The following SREBF1 variants were observed in gnomAD, a reference collection of about 807,000 sequenced individuals.
SREBF1 encodes the protein sterol regulatory element binding transcription factor 1.
Under a neutral mutation model 100.1 loss-of-function variants are expected in SREBF1, and 45 were observed. That is an observed-to-expected ratio of 0.45 (90% confidence interval 0.35 to 0.58). SREBF1 has a LOEUF of 0.58. Among genes scored for constraint, SREBF1 ranks in the 20% least tolerant of loss-of-function variants. The pLI is 0.00. For synonymous variants in SREBF1, 657 were observed against 681.8 expected, an observed-to-expected ratio of 0.96 and a Z score of 0.57; for missense variants, 1,324 against 1,539.4, an observed-to-expected ratio of 0.86 and a Z score of 2.34.
In SREBF1 at chr17:17,811,907, C is replaced by T. The variant is rs1348670220; in HGVS notation, c.*715G>A. ...AACAGGTAGGCTGGAGGCCATACAG[C>T]CAGCCCTCCCCACTCCTCCCACTAA... is the stretch of plus-strand genomic sequence containing the variant. On this transcript the variant is annotated 3_prime_UTR_variant, in exon 19 of 19. Coordinates refer to ENST00000261646, the MANE Select transcript of SREBF1 (RefSeq NM_004176.5). 5.0e-5 allele frequency: 22 copies of T among 440,086 alleles called. No homozygotes were observed. Among genetic ancestry groups the T allele is most frequent in the Non-Finnish European group, 7.7e-5 (17 of 221,290 alleles). The allele number at this position is 440,086 out of a possible 1,614,324, so 27.3% of individuals were successfully genotyped here. A position where few individuals can be genotyped will look rare whatever the true frequency, so the allele number is the denominator to read the frequency against.
At position 17,819,622 on chromosome 17, in the gene SREBF1, G is replaced by T; in HGVS notation, c.627C>A (p.Val209=). 1 of 1,613,428 alleles carries T rather than the reference G, an allele frequency of 6.2e-7. No homozygotes were observed. ...VSLHTQVQSV[V]PQQLLTVTAA... ...CTGTGACTGTCAGTAGCTGCTGGGGGACCACACTCTGGACCTGGGTGTGCA... is the reference window on the plus strand; with the variant it reads ...CTGTGACTGTCAGTAGCTGCTGGGGTACCACACTCTGGACCTGGGTGTGCA... Residue 209 remains valine (V), a synonymous_variant, in exon 3 of 19, where the codon GTC becomes GTA. Coordinates refer to ENST00000261646, the MANE Select transcript of SREBF1 (RefSeq NM_004176.5).
intron 12 of SREBF1, chr17:17,815,648 T>A (rs994810371): frequency 4.9e-6 from 3 of 614,220 alleles, no homozygotes; most frequent in Non-Finnish European, 8.7e-6. Context: ...CAATTAGCCA[T>A]CTGCCCATCA....
At position 17,812,545 on chromosome 17, in the gene SREBF1, A is replaced by G; in HGVS notation, c.*77T>C. On this transcript the variant is annotated 3_prime_UTR_variant, in exon 19 of 19. Coordinates refer to ENST00000261646, the MANE Select transcript of SREBF1 (RefSeq NM_004176.5). ...TCTCTTGCACTGCCTTCGGCCTTCAAAGCTTCGACGCAGGACAGAAGCTGC... is the reference window on the plus strand; with the variant it reads ...TCTCTTGCACTGCCTTCGGCCTTCAGAGCTTCGACGCAGGACAGAAGCTGC... 2 of 1,452,344 alleles carry G rather than the reference A, an allele frequency of 1.4e-6. No homozygotes were observed. Among genetic ancestry groups the G allele is most frequent in the Non-Finnish European group, 1.9e-6 (2 of 1,064,328 alleles). The allele number at this position is 1,452,344 out of a possible 1,614,324, so 90.0% of individuals were successfully genotyped here. A position where few individuals can be genotyped will look rare whatever the true frequency, so the allele number is the denominator to read the frequency against.
At chr17:17,832,877 C>T (rs957094756) in intron 1 of SREBF1, among the ~76,000 whole-genome samples, 6 of 151,594 alleles carry the variant, frequency 4.0e-5, no homozygotes, top group African/African-American at 1.2e-4. Flanking sequence ...GCCGAGATCG[C>T]GCCACTGCAC....
intron 12 of SREBF1, chr17:17,815,612 A>G (rs1598114439): frequency 3.3e-6 from 2 of 601,494 alleles, no homozygotes; most frequent in East Asian, 5.5e-5. Context: ...CTTACTCCAC[A>G]GCGGCACTGC....
At chr17:17,826,282 CT>C (rs34759145) in intron 1 of SREBF1, among the ~76,000 whole-genome samples, 9,257 of 137,356 alleles carry the variant, frequency 0.067, 308 homozygotes, top group African/African-American at 0.12. Context: ...TCGACTGAGT[CT>C]TTTTTTTTTT....
intron 12 of SREBF1, 131 bp from the exon 13 acceptor site, chr17:17,815,460 A>G: frequency 1.4e-6 from 1 of 720,014 alleles, no homozygotes. Context: ...CCCTGGGTGC[A>G]GCCCCTGCCA....
chr17:17,814,509 G>A, intron 15 of SREBF1, 99 bp from the exon 16 acceptor site: 1 of 1,536,382 alleles, frequency 6.5e-7, no homozygotes, highest in South Asian at 1.2e-5. Flanking sequence ...AGGAAAAAAG[G>A]TGGTGACTCC....
Position 17,813,393 on chromosome 17 carries a change from C to A in SREBF1, c.3189G>T (p.Arg1063=). 1 of 1,600,750 alleles carries A rather than the reference C, an allele frequency of 6.2e-7. No individual in the cohort carries two copies. The highest frequency in any genetic ancestry group is 2.3e-5 in the East Asian group (1 of 44,256). ...CTCCTTTGCCACCGGGGCCTGCCCG[C>A]CGCCTCAGACTGCGGTCGAGGAGCT... ...THQLLDRSLR[R]RAGPGGKGGA... The change falls in exon 18 of 19, where the codon CGG becomes CGT. Residue 1063 remains arginine (R), a synonymous_variant. Transcript: ENST00000261646.
intron 1 of SREBF1, among the ~76,000 whole-genome samples, chr17:17,834,025 C>CAGAGAGAGAGAG (rs113396102): frequency 4.7e-5 from 7 of 147,510 alleles, no homozygotes; most frequent in Non-Finnish European, 7.5e-5. Flanking sequence ...CATATAAACA[C>CAGAGAGAGAGAG]ACAGAGAGAG....
chr17:17,828,228 G>A (rs1342851679), intron 1 of SREBF1, among the ~76,000 whole-genome samples: 1 of 152,198 alleles, frequency 6.6e-6, no homozygotes, highest in African/African-American at 2.4e-5. Context: ...TGAAGGCCAG[G>A]CTGTTCCCTC....
At chr17:17,819,982 A>G in intron 2 of SREBF1, 108 bp downstream of exon 2, 4 of 1,294,536 alleles carry the variant, frequency 3.1e-6, no homozygotes, top group Non-Finnish European at 4.2e-6. Flanking sequence ...GTGGAGCCCC[A>G]GTTTCTAAAG....
At chr17:17,828,096 C>CA (rs1438282014) in intron 1 of SREBF1, among the ~76,000 whole-genome samples, 13 of 152,212 alleles carry the variant, frequency 8.5e-5, no homozygotes, top group Non-Finnish European at 1.8e-4. Flanking sequence ...GGACCCCAGT[C>CA]AGAGGCCGTG....
chr17:17,813,598 C>T lies in SREBF1; in HGVS notation c.3073G>A (p.Ala1025Thr), dbSNP rs1258524685. 6.3e-7 allele frequency: 1 copy of T among 1,592,036 alleles called. No individual in the cohort carries two copies. Among genetic ancestry groups the T allele is most frequent in the Non-Finnish European group, 8.5e-7 (1 of 1,174,396 alleles). The change falls in exon 17 of 19, where the codon GCA becomes ACA. Residue 1025 changes from alanine to threonine, a missense_variant. Physicochemically the swap from Ala to Thr is moderately conservative, Grantham distance 58. Transcript: ENST00000261646. ...CGCATGGCGGGCCGGAAGCTCTGTG[C>T]CAGCCGCCTCAGGCTGCTCAGGTCC... ...QRDLSSLRRL[A>T]QSFRPAMRRV...
chr17:17,828,410 T>G (rs1486294679), intron 1 of SREBF1, among the ~76,000 whole-genome samples: 3 of 152,222 alleles, frequency 2.0e-5, no homozygotes, highest in Non-Finnish European at 4.4e-5. Flanking sequence ...CACTAGGCTC[T>G]TCCCGGAGCT....
At chr17:17,821,804 C>G (rs1020723694) in intron 1 of SREBF1, among the ~76,000 whole-genome samples, 2 of 152,204 alleles carry the variant, frequency 1.3e-5, no homozygotes, top group Admixed American at 1.3e-4. Flanking sequence ...TCCTCATCCA[C>G]ACTAGAAGGA....
rs1161488750 is a variant in SREBF1, at chr17:17,836,867, G to A, written c.-50C>T. 2.6e-5 allele frequency: 39 copies of A among 1,488,940 alleles called. No individual in the cohort carries two copies. The highest frequency in any genetic ancestry group is 3.1e-5 in the Non-Finnish European group (35 of 1,119,802). 92.2% of individuals were successfully genotyped at this position (1,488,940 alleles called of 1,614,324 possible). A position where few individuals can be genotyped will look rare whatever the true frequency, so the allele number is the denominator to read the frequency against. On this transcript the variant is annotated 5_prime_UTR_variant, in exon 1 of 19. Transcript: ENST00000261646. ...CCCGCCGGGCCCGCCGCCTCGTACG[G>A]CCCTTCCTAGGGAGCGCCGCCGCGG...
At position 17,816,538 on chromosome 17, in the gene SREBF1, A is replaced by G; in HGVS notation, c.1966T>C (p.Cys656Arg). ...AGRAGGLQQD[C>R]ALRVDASASA... ...GCGCTAGCATCCACTCGCAGAGCAC[A>G]GTCCTGCTGCAGGCCCCCTGCCCGG... is the stretch of plus-strand genomic sequence containing the variant. The change falls in exon 10 of 19, where the codon TGT (cysteine) becomes CGT (arginine). Residue 656 changes from cysteine (C) to arginine (R), a missense_variant. Physicochemically the swap from Cys to Arg is radical, Grantham distance 180. Transcript: ENST00000261646. 6.2e-7 allele frequency: 1 copy of G among 1,602,974 alleles called. No homozygotes were observed. Among genetic ancestry groups the G allele is most frequent in the Middle Eastern group, 1.7e-4 (1 of 6,050 alleles).
In SREBF1 at chr17:17,815,288, G is replaced by C. The variant is rs1336251166; in HGVS notation, c.2425C>G (p.Leu809Val). Residue 809 changes from leucine (L) to valine (V), a missense_variant, in exon 13 of 19, where the codon CTC (leucine) becomes GTC (valine). Coordinates refer to ENST00000261646, the MANE Select transcript of SREBF1 (RefSeq NM_004176.5). Reference protein sequence around the residue: ...AQVTQLFREHLLERALNCVTQ... With the variant: ...AQVTQLFREHVLERALNCVTQ... Reference sequence around the variant, plus strand: ...ACACAGTTCAGTGCTCGCTCTAAGAGATGTTCCCGGAATAGCTGAGTCACC... The same window carrying C: ...ACACAGTTCAGTGCTCGCTCTAAGACATGTTCCCGGAATAGCTGAGTCACC... 6.2e-7 allele frequency: 1 copy of C among 1,613,674 alleles called. No individual in the cohort carries two copies.
Sources: allele counts gnomAD v4.1 joint callset (sites outside exome capture counted in the v4.1 genomes callset), GRCh38; gene constraint gnomAD v4.1.1; transcripts MANE v1.5; gene names NCBI Gene and HGNC (gene_info 2026-07-23, HGNC 2026-07-21).